ITPK1: variants seen among roughly 807,000 people sequenced by gnomAD.
The protein encoded by ITPK1 is inositol-tetrakisphosphate 1-kinase, also known as inositol 1,3,4-trisphosphate 5/6-kinase.
Under a neutral mutation model 45.3 loss-of-function variants are expected in ITPK1, and 21 were observed. The ratio of observed to expected loss-of-function variants is 0.46; its 90% CI spans 0.33 to 0.67. ITPK1 has a LOEUF of 0.67. Among genes scored for constraint, ITPK1 ranks in the 30% least tolerant of loss-of-function variants. ITPK1 has a pLI of 0.02. For missense variants in ITPK1, 474 were observed against 573.5 expected (o/e 0.83, Z 1.77); for synonymous variants, 258 against 253.6 (o/e 1.02, Z -0.16).
intron 8 of ITPK1, among the ~76,000 whole-genome samples, chr14:92,954,242 G>A (rs1419207732): frequency 6.6e-6 from 1 of 152,186 alleles, no homozygotes; most frequent in East Asian, 1.9e-4. Context: ...GACCCTTTTG[G>A]CAGGGCAGTG....
chr14:93,017,109 G>A (rs1408999062), intron 3 of ITPK1, among the ~76,000 whole-genome samples: 1 of 152,204 alleles, frequency 6.6e-6, no homozygotes, highest in Non-Finnish European at 1.5e-5. Context: ...CAGGGCAATA[G>A]TGTCAACAGG....
intron 3 of ITPK1, among the ~76,000 whole-genome samples, chr14:93,055,264 G>A (rs1189583387): frequency 6.6e-6 from 1 of 152,146 alleles, no homozygotes; most frequent in Non-Finnish European, 1.5e-5. Context: ...CTGCTGCTGG[G>A]AACATTCATT....
At chr14:92,961,933 C>T (rs1189089964) in intron 7 of ITPK1, among the ~76,000 whole-genome samples, 1 of 152,224 alleles carries the variant, frequency 6.6e-6, no homozygotes, top group Non-Finnish European at 1.5e-5. Context: ...GAGAAGGTGG[C>T]CATTTGCAAG....
chr14:92,941,340 A>G lies in ITPK1; in HGVS notation c.*221T>C. 1 of 1,411,230 alleles carries G rather than the reference A, an allele frequency of 7.1e-7. No homozygotes were observed. Among genetic ancestry groups the G allele is most frequent in the East Asian group, 2.7e-5 (1 of 37,302 alleles). 87.4% of individuals were successfully genotyped at this position (1,411,230 alleles called of 1,614,324 possible). ...TTAGGAGGTCTGCACAGTAGAGAGC[A>G]GGCGGACGGCCCCACTCCCCAACGG... On this transcript the variant is annotated 3_prime_UTR_variant, in exon 11 of 11. Transcript: ENST00000267615.
intron 3 of ITPK1, among the ~76,000 whole-genome samples, chr14:93,028,687 G>A (rs1004397873): frequency 1.3e-5 from 2 of 152,220 alleles, no homozygotes; most frequent in African/African-American, 4.8e-5. Context: ...CTCCCCAAGC[G>A]GATGTCAGCT....
At chr14:92,944,535 AC>A (rs1204190841) in intron 10 of ITPK1, among the ~76,000 whole-genome samples, 1 of 152,128 alleles carries the variant, frequency 6.6e-6, no homozygotes, top group East Asian at 1.9e-4. Context: ...GTTGGGAGGC[AC>A]TGGCCTTGCT....
chr14:93,002,937 G>A (rs1256422943), intron 4 of ITPK1, among the ~76,000 whole-genome samples: 1 of 152,190 alleles, frequency 6.6e-6, no homozygotes, highest in African/African-American at 2.4e-5. Flanking sequence ...TCTCTTCCCA[G>A]CCCTGGAGCA....
intron 2 of ITPK1, among the ~76,000 whole-genome samples, chr14:93,100,526 G>T (rs944202834): frequency 2.0e-5 from 3 of 151,294 alleles, no homozygotes; most frequent in Non-Finnish European, 2.9e-5. Flanking sequence ...GGGGCCGGGG[G>T]GAGAGAGGAG....
At chr14:92,996,073 A>C (rs989818383) in intron 4 of ITPK1, among the ~76,000 whole-genome samples, 1 of 152,156 alleles carries the variant, frequency 6.6e-6, no homozygotes, top group Non-Finnish European at 1.5e-5. Flanking sequence ...CATATGTATG[A>C]AATCATATTC....
Position 92,940,337 on chromosome 14 carries a change from TC to T in ITPK1, c.*1223del. 1.0e-6 allele frequency: 1 copy of T among 997,594 alleles called. No individual in the cohort carries two copies. Among genetic ancestry groups the T allele is most frequent in the South Asian group, 4.3e-5 (1 of 23,112 alleles). The allele number at this position is 997,594 out of a possible 1,614,324, so 61.8% of individuals were successfully genotyped here. A position where few individuals can be genotyped will look rare whatever the true frequency, so the allele number is the denominator to read the frequency against. ...CATCTTCCAGGACTGCAGAGGCTTC[TC>T]CCCAACCCTTTTCTCTGCAGAGGGG... On this transcript the variant is annotated 3_prime_UTR_variant, in exon 11 of 11. Coordinates refer to ENST00000267615, the MANE Select transcript of ITPK1 (RefSeq NM_014216.6).
intron 4 of ITPK1, among the ~76,000 whole-genome samples, chr14:93,006,678 A>C (rs1273381685): frequency 6.6e-6 from 1 of 150,980 alleles, no homozygotes. Context: ...GAGAAACCAC[A>C]GGCTCTCTGG....
intron 4 of ITPK1, among the ~76,000 whole-genome samples, chr14:93,003,106 C>T (rs1887432963): frequency 6.6e-6 from 1 of 152,144 alleles, no homozygotes; most frequent in Admixed American, 6.5e-5. Context: ...AGGAGGGCTC[C>T]CAAGGCAGCT....
chr14:93,049,227 G>T (rs1026143031), intron 3 of ITPK1, among the ~76,000 whole-genome samples: 2 of 152,174 alleles, frequency 1.3e-5, no homozygotes, highest in Admixed American at 1.3e-4. Flanking sequence ...GGTAGACCTG[G>T]GGGGAAAGTC....
chr14:93,022,544 G>A (rs1271488988), intron 3 of ITPK1, among the ~76,000 whole-genome samples: 5 of 149,072 alleles, frequency 3.4e-5, no homozygotes, highest in East Asian at 1.9e-4. Flanking sequence ...AGACAGTCTC[G>A]GTCTACCGTC....
intron 2 of ITPK1, among the ~76,000 whole-genome samples, chr14:93,093,944 C>T (rs1047281685): frequency 6.6e-6 from 1 of 152,258 alleles, no homozygotes. Flanking sequence ...CTGTGCAACC[C>T]GGCCTCAAAG....
At chr14:92,987,914 T>C (rs1237684516) in intron 5 of ITPK1, among the ~76,000 whole-genome samples, 2 of 152,166 alleles carry the variant, frequency 1.3e-5, no homozygotes, top group Non-Finnish European at 2.9e-5. Context: ...GGGCTAGCCT[T>C]GGTCCCAGCT....
At chr14:93,017,586 A>C (rs1035602919) in intron 3 of ITPK1, among the ~76,000 whole-genome samples, 1 of 151,886 alleles carries the variant, frequency 6.6e-6, no homozygotes. Flanking sequence ...CCGCTTCCTG[A>C]CCCGCCACAT....
Position 92,939,908 on chromosome 14 carries a change from A to C in ITPK1, c.*1653T>G. The C allele has an allele frequency of 1.0e-6, 1 of 985,890 alleles. No individual in the cohort carries two copies. Among genetic ancestry groups the C allele is most frequent in the Non-Finnish European group, 1.2e-6 (1 of 829,946 alleles). 61.1% of individuals were successfully genotyped at this position (985,890 alleles called of 1,614,324 possible). A position where few individuals can be genotyped will look rare whatever the true frequency, so the allele number is the denominator to read the frequency against. On this transcript the variant is annotated 3_prime_UTR_variant, in exon 11 of 11. Transcript: ENST00000267615. ...TATTTTGGAGACAAAGCAGTGCAAG[A>C]GGCCAGCCACGCTTTCCTGTTCCCC...
chr14:93,075,023 C>T (rs1891157796), intron 3 of ITPK1, among the ~76,000 whole-genome samples: 1 of 152,056 alleles, frequency 6.6e-6, no homozygotes, highest in Non-Finnish European at 1.5e-5. Context: ...GAAATTAAAG[C>T]CCACAGAAAA....
Sources: allele counts gnomAD v4.1 joint callset (sites outside exome capture counted in the v4.1 genomes callset), GRCh38; gene constraint gnomAD v4.1.1; transcripts MANE v1.5; gene names NCBI Gene and HGNC (gene_info 2026-07-23, HGNC 2026-07-21).